The following SPO11 variants were observed in gnomAD, a reference collection of about 807,000 sequenced individuals.
SPO11 encodes meiotic recombination protein SPO11.
SPO11 carries 49 observed loss-of-function variants against 51.6 expected under a neutral mutation model. The ratio of observed to expected loss-of-function variants is 0.95; its 90% CI spans 0.75 to 1.20. The LOEUF is 1.20. SPO11 is among the 50% of genes most tolerant of loss of function. The pLI is 0.00. For synonymous variants in SPO11, 176 were observed against 158.2 expected (o/e 1.11, Z -0.84); for missense variants, 431 against 473.4 (o/e 0.91, Z 0.83).
intron 11 of SPO11, among the ~76,000 whole-genome samples, chr20:57,341,263 A>C (rs550309228): frequency 6.6e-6 from 1 of 152,176 alleles, no homozygotes; most frequent in Non-Finnish European, 1.5e-5. Context: ...GCTTTGATGC[A>C]GTCTCTTGTA....
intron 7 of SPO11, 51 bp downstream of exon 7, chr20:57,335,506 C>T (rs370477685): frequency 8.4e-6 from 13 of 1,548,370 alleles, no homozygotes; most frequent in Non-Finnish European, 1.1e-5. Context: ...TTCATTCATT[C>T]ATTAATTCCT....
chr20:57,338,183 G>A (rs1056015429), intron 8 of SPO11, 93 bp from the exon 9 acceptor site: 45 of 960,458 alleles, frequency 4.7e-5, no homozygotes, highest in Non-Finnish European at 6.0e-5. Flanking sequence ...GAACCACTGC[G>A]TCCAGCCTAA....
chr20:57,340,091 C>T lies in SPO11; in HGVS notation c.883-11C>T, dbSNP rs749811010. The T allele has an allele frequency of 1.3e-6, 2 of 1,592,722 alleles. No homozygotes were observed. The highest frequency in any genetic ancestry group is 3.3e-5 in the Admixed American group (2 of 59,934). On this transcript the variant is annotated splice_polypyrimidine_tract_variant and intron_variant, in intron 10 of 12. Coordinates refer to ENST00000371263, the MANE Select transcript of SPO11 (RefSeq NM_012444.3). The stretch of plus-strand genomic sequence containing the variant: ...TAGCCTCACCTAATATACTTTTGTT[C>T]TTTATTTTAGTCTATGTCTTTTGAA...
chr20:57,338,157 C>A, intron 8 of SPO11, 119 bp from the exon 9 acceptor site: 1 of 766,098 alleles, frequency 1.3e-6, no homozygotes, highest in Non-Finnish European at 2.1e-6. Context: ...TCCCAACGTG[C>A]TGGGATTACA....
At chr20:57,333,948 A>G (rs777516529) in intron 4 of SPO11, 39 bp from the exon 5 acceptor site, 1 of 1,234,070 alleles carries the variant, frequency 8.1e-7, no homozygotes, top group Admixed American at 2.3e-5. Context: ...TTCAAAAAGA[A>G]TATAGTTAAT....
intron 12 of SPO11, 123 bp downstream of exon 12, chr20:57,342,963 T>C (rs2066601624): frequency 1.4e-6 from 1 of 699,380 alleles, no homozygotes; most frequent in African/African-American, 1.8e-5. Flanking sequence ...CTAACATAAG[T>C]GTTGTTTGGC....
At chr20:57,333,606 A>G (rs1238123470) in intron 3 of SPO11, 81 bp from the exon 4 acceptor site, 2 of 805,784 alleles carry the variant, frequency 2.5e-6, no homozygotes, top group East Asian at 5.0e-5. Context: ...ACTAAAATTA[A>G]GTTAAAATCC....
chr20:57,334,336 A>G (rs28368079), intron 5 of SPO11, among the ~76,000 whole-genome samples: 1 of 152,028 alleles, frequency 6.6e-6, no homozygotes, highest in South Asian at 2.1e-4. Context: ...TTGTATTGTT[A>G]GTAGGGACTA....
rs1260612223 is a variant in SPO11 at position 57,334,846 on chromosome 20, A to G, written c.597+10A>G. On this transcript the variant is annotated intron_variant, in intron 6 of 12. Transcript: ENST00000371263. Reference sequence around the variant, plus strand: ...TACCTGTGGTGCAACGGTAAGAAGCATCATTGAAGTTTTCACAGCTTTAAC... The same window carrying G: ...TACCTGTGGTGCAACGGTAAGAAGCGTCATTGAAGTTTTCACAGCTTTAAC... The G allele has an allele frequency of 1.9e-6, 3 of 1,611,764 alleles. No individual in the cohort carries two copies. The highest frequency in any genetic ancestry group is 1.7e-4 in the Middle Eastern group (1 of 6,054).
chr20:57,331,843 C>A lies in SPO11; in HGVS notation c.142C>A (p.Leu48Ile). The A allele has an allele frequency of 6.3e-7, 1 of 1,580,262 alleles. No individual in the cohort carries two copies. Among genetic ancestry groups the A allele is most frequent in the Non-Finnish European group, 8.6e-7 (1 of 1,163,520 alleles). ...TGTTTATTGTTTCAGTTCTGAGGTTCTTGCATCTATAGAAAATATTATCCA... is the reference window on the plus strand; with the variant it reads ...TGTTTATTGTTTCAGTTCTGAGGTTATTGCATCTATAGAAAATATTATCCA... ...GSRLASSSEVLASIENIIQDI... is the reference protein window; with the variant it reads ...GSRLASSSEVIASIENIIQDI... The change falls in exon 2 of 13, where the codon CTT (leucine) becomes ATT (isoleucine). Residue 48 changes from leucine (L) to isoleucine (I), a missense_variant. This residue lies in a region of SPO11 where 405 missense variants were observed against 425.9 expected (regional missense o/e 0.95). Coordinates refer to ENST00000371263, the MANE Select transcript of SPO11 (RefSeq NM_012444.3).
At chr20:57,333,593 T>C (rs939314554) in intron 3 of SPO11, 94 bp from the exon 4 acceptor site, 3 of 750,616 alleles carry the variant, frequency 4.0e-6, no homozygotes. Flanking sequence ...TTTTTAAATG[T>C]TAACTAAAAT....
chr20:57,332,153 GC>G (rs1471844552), intron 2 of SPO11, among the ~76,000 whole-genome samples: 5 of 152,158 alleles, frequency 3.3e-5, no homozygotes, highest in African/African-American at 1.2e-4. Flanking sequence ...GGAAAACAAT[GC>G]TAGCACCAAC....
chr20:57,329,861 T>C lies in SPO11; in HGVS notation c.-7T>C, dbSNP rs765891906. Reference sequence around the variant, plus strand: ...GCTTCTGGAGCTTCTGGCAGCCGTCTGCCCTCATGGCCTTTGCACCTATGG... The same window carrying C: ...GCTTCTGGAGCTTCTGGCAGCCGTCCGCCCTCATGGCCTTTGCACCTATGG... On this transcript the variant is annotated 5_prime_UTR_variant, in exon 1 of 13. Transcript: ENST00000371263. 1.2e-6 allele frequency: 2 copies of C among 1,611,314 alleles called. No individual in the cohort carries two copies. Among genetic ancestry groups the C allele is most frequent in the Non-Finnish European group, 8.5e-7 (1 of 1,178,366 alleles).
chr20:57,335,364 C>A, intron 6 of SPO11, 55 bp from the exon 7 acceptor site: 1 of 1,458,096 alleles, frequency 6.9e-7, no homozygotes, highest in Non-Finnish European at 9.4e-7. Flanking sequence ...TTGTGATAAA[C>A]TAAAAATGTG....
intron 4 of SPO11, 24 bp from the exon 5 acceptor site, chr20:57,333,963 A>T (rs946734917): frequency 7.4e-7 from 1 of 1,356,660 alleles, no homozygotes; most frequent in Non-Finnish European, 1.0e-6. Context: ...GTTAATTAAA[A>T]ATATGTATTT....
chr20:57,331,705 C>A (rs2066452255), intron 1 of SPO11, 128 bp from the exon 2 acceptor site: 1 of 468,062 alleles, frequency 2.1e-6, no homozygotes, highest in Non-Finnish European at 3.8e-6. Flanking sequence ...TAAAACCCCA[C>A]CCCAATTACC....
rs768566109 is a variant in SPO11 at position 57,343,470 on chromosome 20, A to G, written c.*10A>G. 6 of 1,585,920 alleles carry G rather than the reference A, an allele frequency of 3.8e-6. No individual in the cohort carries two copies. The Admixed American group carries it at 1.1e-4, about 30-fold the overall frequency. ...TGGAGGATGGATATAAAAATAAATC[A>G]GAAGAACTTCTGATTGCCAGAGGCT... On this transcript the variant is annotated 3_prime_UTR_variant, in exon 13 of 13. Transcript: ENST00000371263.
chr20:57,342,422 T>G (rs774480588), intron 11 of SPO11, among the ~76,000 whole-genome samples: 3 of 152,248 alleles, frequency 2.0e-5, no homozygotes, highest in African/African-American at 4.8e-5. Flanking sequence ...ATGGTAGTGC[T>G]ATTGGCATTT....
At chr20:57,342,352 G>A (rs998073457) in intron 11 of SPO11, among the ~76,000 whole-genome samples, 3 of 152,232 alleles carry the variant, frequency 2.0e-5, no homozygotes, top group Non-Finnish European at 2.9e-5. Flanking sequence ...TGCCAGAAGA[G>A]TGTGAAGCTC....
Sources: allele counts gnomAD v4.1 joint callset (sites outside exome capture counted in the v4.1 genomes callset), GRCh38; gene constraint gnomAD v4.1.1; regional missense constraint gnomAD v4.1.1; transcripts MANE v1.5; gene names NCBI Gene and HGNC (gene_info 2026-07-23, HGNC 2026-07-21).